GAS2: variants seen among roughly 807,000 people sequenced by gnomAD.
GAS2 encodes the protein growth arrest specific 2.
Under a neutral mutation model 37.5 loss-of-function variants are expected in GAS2, and 20 were observed. The ratio of observed to expected loss-of-function variants is 0.53; its 90% CI spans 0.37 to 0.77. The LOEUF (loss-of-function observed/expected upper bound fraction) is 0.77. Among genes scored for constraint, GAS2 ranks in the 30% least tolerant of loss-of-function variants. The pLI is 0.00. For missense variants in GAS2, 336 were observed against 373.4 expected (o/e 0.90, Z 0.82); for synonymous variants, 144 against 132.2 (o/e 1.09, Z -0.61).
intron 2 of GAS2, among the ~76,000 whole-genome samples, chr11:22,679,561 G>A (rs1849580766): frequency 6.6e-6 from 1 of 151,922 alleles, no homozygotes; most frequent in South Asian, 2.1e-4. Context: ...ATTATTGATG[G>A]ACTTTTTAAG....
At chr11:22,800,244 G>A (rs1051292577) in intron 7 of GAS2, among the ~76,000 whole-genome samples, 5 of 152,114 alleles carry the variant, frequency 3.3e-5, no homozygotes, top group Admixed American at 2.6e-4. Flanking sequence ...AAGTAAAAGA[G>A]AAGGTATCAG....
chr11:22,705,475 C>T (rs536043764), intron 3 of GAS2, among the ~76,000 whole-genome samples: 5 of 152,098 alleles, frequency 3.3e-5, no homozygotes, highest in Admixed American at 6.6e-5. Flanking sequence ...TAACTGTGTA[C>T]AAGATCTGAT....
At chr11:22,709,643 C>T (rs1310596260) in intron 3 of GAS2, among the ~76,000 whole-genome samples, 1 of 152,108 alleles carries the variant, frequency 6.6e-6, no homozygotes, top group Non-Finnish European at 1.5e-5. Flanking sequence ...CCATTTGACC[C>T]AGCCATCCCA....
At chr11:22,652,522 G>C (rs61889426) in intron 1 of GAS2, among the ~76,000 whole-genome samples, 3 of 152,200 alleles carry the variant, frequency 2.0e-5, no homozygotes, top group Admixed American at 6.5e-5. Flanking sequence ...TCCCCAGCCT[G>C]GCTGCCGCCT....
At chr11:22,669,712 C>T (rs1032521120) in intron 1 of GAS2, among the ~76,000 whole-genome samples, 2 of 152,148 alleles carry the variant, frequency 1.3e-5, no homozygotes, top group African/African-American at 4.8e-5. Flanking sequence ...TGTAAGGTTC[C>T]TTTCAATTTA....
chr11:22,628,522 A>G (rs1858694571), intron 1 of GAS2, among the ~76,000 whole-genome samples: 1 of 152,206 alleles, frequency 6.6e-6, no homozygotes, highest in South Asian at 2.1e-4. Context: ...GCCAAATTTC[A>G]GCAGATTTTA....
At chr11:22,757,883 C>T (rs1228120841) in intron 7 of GAS2, among the ~76,000 whole-genome samples, 1 of 151,954 alleles carries the variant, frequency 6.6e-6, no homozygotes, top group Non-Finnish European at 1.5e-5. Context: ...CTAAAAAAGG[C>T]TCCTGTCTAT....
At chr11:22,658,200 A>G (rs1271790535) in intron 1 of GAS2, among the ~76,000 whole-genome samples, 1 of 151,716 alleles carries the variant, frequency 6.6e-6, no homozygotes, top group African/African-American at 2.4e-5. Context: ...TAATTTTTAA[A>G]ATATTTTTAG....
intron 3 of GAS2, among the ~76,000 whole-genome samples, chr11:22,721,901 A>C (rs1241832375): frequency 2.6e-5 from 4 of 151,816 alleles, no homozygotes; most frequent in Non-Finnish European, 5.9e-5. Flanking sequence ...ATAGATATTC[A>C]GTATTTTTTA....
intron 7 of GAS2, among the ~76,000 whole-genome samples, chr11:22,772,343 T>A (rs1224866182): frequency 6.6e-6 from 1 of 152,222 alleles, no homozygotes; most frequent in African/African-American, 2.4e-5. Flanking sequence ...ACAGGTTTTC[T>A]TCAAATAATA....
rs184611886 is a variant in GAS2, at chr11:22,770,787, T to C, written c.723+14834T>C. On this transcript the variant is annotated intron_variant, in intron 7 of 7. Coordinates refer to ENST00000454584, the MANE Select transcript of GAS2 (RefSeq NM_001143830.3). ...TCACTATATGAAAATATGGAAATAGTTATTCTCATTGTCGTTCAAAAAGCT... is the reference window on the plus strand; with the variant it reads ...TCACTATATGAAAATATGGAAATAGCTATTCTCATTGTCGTTCAAAAAGCT... 5.1e-3 allele frequency among the ~76,000 whole-genome samples: 777 copies of C among 152,336 alleles called. 6 individuals carry two copies. Among genetic ancestry groups the C allele is most frequent in the African/African-American group, 0.018 (741 of 41,572 alleles).
At chr11:22,793,869 A>G (rs150302155) in intron 7 of GAS2, among the ~76,000 whole-genome samples, 2 of 152,312 alleles carry the variant, frequency 1.3e-5, no homozygotes, top group East Asian at 1.9e-4. Flanking sequence ...TTGTAACCAT[A>G]AAGTACAATT....
chr11:22,777,063 A>T (rs1343608702), intron 7 of GAS2, among the ~76,000 whole-genome samples: 5 of 152,180 alleles, frequency 3.3e-5, no homozygotes, highest in Non-Finnish European at 7.4e-5. Context: ...ATGCATAAAA[A>T]CTTCCTATAT....
In GAS2 at chr11:22,805,661, G is replaced by A. The variant is rs117538091; in HGVS notation, c.724-6137G>A. Among the ~76,000 whole-genome samples the A allele has an allele frequency of 4.1e-3, 626 of 152,202 alleles. 5 individuals carry two copies. Among genetic ancestry groups the A allele is most frequent in the Non-Finnish European group, 6.2e-3 (420 of 68,000 alleles). The stretch of plus-strand genomic sequence containing the variant: ...GGTCTGGATCCAGACACCAAGAGTG[G>A]ATTCTTGGATAAGTCCACAGAGTAA... On this transcript the variant is annotated intron_variant, in intron 7 of 7. Transcript: ENST00000454584.
At chr11:22,743,574 C>T (rs1223625337) in intron 5 of GAS2, among the ~76,000 whole-genome samples, 1 of 152,000 alleles carries the variant, frequency 6.6e-6, no homozygotes, top group East Asian at 1.9e-4. Context: ...ATTGAAGATG[C>T]TCAGTAGCAG....
At chr11:22,701,330 T>G (rs1271802017) in intron 3 of GAS2, among the ~76,000 whole-genome samples, 2 of 152,106 alleles carry the variant, frequency 1.3e-5, no homozygotes, top group African/African-American at 2.4e-5. Flanking sequence ...AATTGGATAG[T>G]TTGAGTATAT....
intron 1 of GAS2, among the ~76,000 whole-genome samples, chr11:22,638,977 C>A (rs1472912692): frequency 6.6e-6 from 1 of 152,058 alleles, no homozygotes; most frequent in Non-Finnish European, 1.5e-5. Context: ...TCCACTACCT[C>A]ACTCAAGTCA....
In GAS2 at chr11:22,756,927, TTTG is replaced by T. The variant is rs1176933015; in HGVS notation, c.723+977_723+979del. Reference sequence around the variant, plus strand: ...TTTATTGCAAGGATAGCATACATATTTTGTTAAGTCAAACTGCCTGCTGTCATG... The same window carrying T: ...TTTATTGCAAGGATAGCATACATATTTTAAGTCAAACTGCCTGCTGTCATG... On this transcript the variant is annotated intron_variant, in intron 7 of 7. Transcript: ENST00000454584. Among the ~76,000 whole-genome samples, 9 of 152,220 alleles carry T rather than the reference TTTG, an allele frequency of 5.9e-5. No homozygotes were observed. In the South Asian group the frequency reaches 1.2e-3, roughly 21 times the overall value.
intron 2 of GAS2, among the ~76,000 whole-genome samples, chr11:22,676,482 C>T (rs993910029): frequency 3.3e-5 from 5 of 152,252 alleles, no homozygotes; most frequent in African/African-American, 4.8e-5. Context: ...TGAACCCTAC[C>T]TCTGCCACTT....
Sources: gnomAD v4.1 joint callset for allele counts (sites outside exome capture counted in the v4.1 genomes callset) on GRCh38, gnomAD v4.1.1 for gene constraint, MANE v1.5 for transcripts, NCBI Gene and HGNC (gene_info 2026-07-23, HGNC 2026-07-21) for gene names.